PCGF3: variants seen among roughly 807,000 people sequenced by gnomAD.
PCGF3 encodes polycomb group RING finger protein 3.
In PCGF3, 7 loss-of-function variants were observed where a neutral mutation model predicts 33.1. That is an observed-to-expected ratio of 0.21 (90% CI 0.12 to 0.40). The LOEUF is 0.40. PCGF3 is among the 10% of genes least tolerant of loss of function. PCGF3 has a pLI of 1.00. For missense variants in PCGF3, 211 were observed against 313.3 expected (o/e 0.67, Z 2.46); for synonymous variants, 153 against 121.3 (o/e 1.26, Z -1.72).
chr4:741,902 G>A (rs1014213618), intron 6 of PCGF3, among the ~76,000 whole-genome samples: 4 of 152,112 alleles, frequency 2.6e-5, no homozygotes, highest in South Asian at 2.1e-4. Flanking sequence ...TTCCCGTCAC[G>A]GCTCTTCTGC....
chr4:768,945 A>G (rs1380151750), exon 11 of PCGF3: 1 of 152,688 alleles, frequency 6.5e-6, no homozygotes, highest in Non-Finnish European at 1.5e-5. Context: ...GTAATGTAGC[A>G]TTTATTTTGC....
intron 1 of PCGF3, among the ~76,000 whole-genome samples, chr4:725,446 G>A (rs991708817): frequency 6.6e-6 from 1 of 152,236 alleles, no homozygotes; most frequent in Non-Finnish European, 1.5e-5. Flanking sequence ...GGGCCCATGG[G>A]ACCATCTGAC....
intron 3 of PCGF3, 136 bp from the exon 4 acceptor site, chr4:733,536 C>T (rs114169750): frequency 3.2e-4 from 260 of 805,924 alleles, no homozygotes; most frequent in Non-Finnish European, 4.4e-4. Flanking sequence ...CCTGGGACCC[C>T]GTGAGCCCAA....
chr4:726,076 GC>G (rs1743322327), intron 1 of PCGF3, among the ~76,000 whole-genome samples: 1 of 152,242 alleles, frequency 6.6e-6, no homozygotes, highest in Admixed American at 6.5e-5. Context: ...GGCGGGATGG[GC>G]TGTGGGGCAG....
intron 10 of PCGF3, 114 bp from the exon 11 acceptor site, chr4:765,918 T>C (rs900102378): frequency 6.7e-6 from 6 of 890,238 alleles, no homozygotes; most frequent in Non-Finnish European, 9.3e-6. Context: ...TGTGCAGCCC[T>C]GCATGTGGAC....
At chr4:761,544 G>T in intron 9 of PCGF3, 128 bp downstream of exon 9, 1 of 1,402,078 alleles carries the variant, frequency 7.1e-7, no homozygotes, top group Non-Finnish European at 9.5e-7. Flanking sequence ...AAAAAAATCC[G>T]TTTTGCCTGC....
rs567963857 is a variant in PCGF3, at chr4:707,629, C to T, written c.-190+1659C>T. 4.5e-3 allele frequency among the ~76,000 whole-genome samples: 529 copies of T among 116,848 alleles called. 63 individuals are homozygous for T. The highest frequency in any genetic ancestry group is 0.015 in the African/African-American group (494 of 32,846). 76.7% of individuals were successfully genotyped at this position (116,848 alleles called of 152,430 possible). ...GACAGCTCTGTTTTCCCCTGGGGGT[C>T]GGGACCCTGGGACAGCCCTGTTTTC... On this transcript the variant is annotated intron_variant, in intron 1 of 10. Coordinates refer to ENST00000362003, the Ensembl canonical transcript of PCGF3.
chr4:732,335 TCCTCCCCTCCCTTCCCTTCC>T (rs1246018529), intron 3 of PCGF3: 4 of 77,904 alleles, frequency 5.1e-5, no homozygotes, highest in South Asian at 8.2e-4. Flanking sequence ...TCCCCTTCCC[TCCTCCCCTCCCTTCCCTTCC>T]CCTCCCCTCC....
intron 8 of PCGF3, chr4:756,925 AAG>A (rs1470589634): frequency 6.6e-6 from 1 of 152,260 alleles, no homozygotes; most frequent in African/African-American, 2.4e-5. Context: ...ATATACATAA[AAG>A]AGGTGTGTGT....
chr4:715,170 G>A (rs373952141), intron 1 of PCGF3, among the ~76,000 whole-genome samples: 2,670 of 111,466 alleles, frequency 0.024, no homozygotes, highest in Middle Eastern at 0.053. Flanking sequence ...ACTGGGCGTC[G>A]GTGCTGGGAC....
chr4:764,948 C>T lies in PCGF3; in HGVS notation c.601-36C>T, dbSNP rs776892040. The T allele has an allele frequency of 4.0e-6, 6 of 1,493,832 alleles. No individual in the cohort carries two copies. In the Admixed American group the frequency reaches 5.0e-5, roughly 13 times the overall value. 92.5% of individuals were successfully genotyped at this position (1,493,832 alleles called of 1,614,324 possible). On this transcript the variant is annotated intron_variant, in intron 9 of 10. Coordinates refer to ENST00000362003, the Ensembl canonical transcript of PCGF3. The stretch of plus-strand genomic sequence containing the variant: ...TGGCCATGTCAGTGTGGGTTGAGCA[C>T]CTCTCCGCTGCTAATCAAACCTCCT...
At chr4:756,252 G>T (rs555163634) in intron 8 of PCGF3, among the ~76,000 whole-genome samples, 2 of 144,224 alleles carry the variant, frequency 1.4e-5, no homozygotes, top group African/African-American at 2.6e-5. Context: ...ATACTCTGTC[G>T]CCCAGGCTGG....
At position 720,643 on chromosome 4, in the gene PCGF3, G is replaced by A. The variant is rs533438142; in HGVS notation, c.-189-9987G>A. On this transcript the variant is annotated intron_variant, in intron 1 of 10. Transcript: ENST00000362003. The surrounding 1 kb of genome is among the most constrained non-coding windows in gnomAD (Gnocchi z 5.6). ...CGGGCGGTGACGTGCGTGTGGACCC[G>A]GGGTGGACGGGCGGTGACGTGCGTG... Among the ~76,000 whole-genome samples the A allele has an allele frequency of 3.2e-4, 48 of 151,654 alleles. No individual in the cohort carries two copies. The highest frequency in any genetic ancestry group is 1.1e-3 in the African/African-American group (45 of 41,364).
At chr4:731,360 G>T in intron 3 of PCGF3, 2 of 399,506 alleles carry the variant, frequency 5.0e-6, no homozygotes, top group Non-Finnish European at 8.8e-6. Flanking sequence ...GGTTCACTTG[G>T]GTTCCCGGCG....
At chr4:730,864 C>G (rs1743526366) in intron 2 of PCGF3, 106 bp from the exon 3 acceptor site, 2 of 396,354 alleles carry the variant, frequency 5.0e-6, no homozygotes, top group Non-Finnish European at 8.9e-6. Context: ...CCATTCCGCC[C>G]TTTGCTCGGT....
At chr4:767,266 C>T (rs1303830916) in exon 11 of PCGF3, 1 of 152,170 alleles carries the variant, frequency 6.6e-6, no homozygotes, top group Non-Finnish European at 1.5e-5. Context: ...CCTCTCCTCC[C>T]GGATGGTCAT....
intron 8 of PCGF3, among the ~76,000 whole-genome samples, chr4:758,225 T>C (rs1237976567): frequency 1.5e-5 from 2 of 135,090 alleles, no homozygotes; most frequent in Non-Finnish European, 3.1e-5. Flanking sequence ...TGCCCCTCCC[T>C]GCACAAGCAC....
At chr4:747,685 C>T (rs4690299) in intron 8 of PCGF3, among the ~76,000 whole-genome samples, 11,214 of 64,988 alleles carry the variant, frequency 0.17, 793 homozygotes, top group Non-Finnish European at 0.24. Flanking sequence ...AGTGTTAGTG[C>T]TCGCCGTGGA....
chr4:717,560 A>G (rs1742909213), intron 1 of PCGF3, among the ~76,000 whole-genome samples: 1 of 152,110 alleles, frequency 6.6e-6, no homozygotes, highest in Admixed American at 6.5e-5. Context: ...TTGTATTTAT[A>G]TTAGCGACGG....
Sources: gnomAD v4.1 joint callset for allele counts (sites outside exome capture counted in the v4.1 genomes callset) on GRCh38, gnomAD v4.1.1 for gene constraint, Gnocchi (gnomAD v3.1) non-coding constraint, MANE v1.5 for transcripts, NCBI Gene and HGNC (gene_info 2026-07-23, HGNC 2026-07-21) for gene names.